ST3GAL3: variants seen among roughly 807,000 people sequenced by gnomAD.
The protein encoded by ST3GAL3 is CMP-N-acetylneuraminate-beta-1,4-galactoside alpha-2,3-sialyltransferase.
A neutral mutation model predicts 50.1 loss-of-function variants in ST3GAL3; 21 were observed. The ratio of observed to expected loss-of-function variants is 0.42; its 90% CI spans 0.30 to 0.60. ST3GAL3 has a LOEUF of 0.60. ST3GAL3 is among the 20% of genes least tolerant of loss of function. The pLI is 0.19. For synonymous variants in ST3GAL3, 183 were observed against 190.0 expected, an observed-to-expected ratio of 0.96 and a Z score of 0.30; for missense variants, 353 against 489.4, an observed-to-expected ratio of 0.72 and a Z score of 2.63.
intron 6 of ST3GAL3, among the ~76,000 whole-genome samples, chr1:43,895,589 C>T (rs999801879): frequency 7.9e-5 from 12 of 152,208 alleles, no homozygotes; most frequent in Admixed American, 6.5e-4. Context: ...AAAATAACTG[C>T]TAAAGGGGTG....
intron 4 of ST3GAL3, among the ~76,000 whole-genome samples, chr1:43,832,706 C>G (rs1007694964): frequency 6.7e-6 from 1 of 148,602 alleles, no homozygotes; most frequent in African/African-American, 2.5e-5. Flanking sequence ...AAGGCTATTT[C>G]AAAAAAAAAA....
intron 11 of ST3GAL3, among the ~76,000 whole-genome samples, chr1:43,926,503 C>T (rs551477584): frequency 2.7e-5 from 4 of 149,446 alleles, no homozygotes; most frequent in Admixed American, 1.3e-4. Context: ...GCAGGAGAAT[C>T]GCTTGAACTC....
At chr1:43,929,956 C>A in intron 11 of ST3GAL3, 176 bp from the exon 12 acceptor site, 1 of 753,974 alleles carries the variant, frequency 1.3e-6, no homozygotes, top group South Asian at 1.4e-5. Flanking sequence ...TGAGCTGTGG[C>A]ACTCCTAGAG....
chr1:43,851,104 G>T, intron 5 of ST3GAL3: 1 of 966,082 alleles, frequency 1.0e-6, no homozygotes, highest in Non-Finnish European at 1.7e-6. Flanking sequence ...TCTGCAGCGG[G>T]GCATAGTCCA....
At chr1:43,862,388 A>G (rs1028076541) in intron 5 of ST3GAL3, among the ~76,000 whole-genome samples, 5 of 152,094 alleles carry the variant, frequency 3.3e-5, no homozygotes, top group Admixed American at 6.5e-5. Flanking sequence ...TTTTACCTCT[A>G]TCTTACCCTC....
chr1:43,926,213 G>A (rs2083889811), intron 11 of ST3GAL3, among the ~76,000 whole-genome samples: 1 of 152,326 alleles, frequency 6.6e-6, no homozygotes, highest in Non-Finnish European at 1.5e-5. Flanking sequence ...TTCCCAGAGA[G>A]AGGACAGAGA....
rs576320463 is a variant in ST3GAL3, at chr1:43,716,141, G to A, written c.-31+8448G>A. Among the ~76,000 whole-genome samples, 76 of 152,248 alleles carry A rather than the reference G, an allele frequency of 5.0e-4. 1 individual carries two copies. Among genetic ancestry groups the A allele is most frequent in the African/African-American group, 1.7e-3 (70 of 41,520 alleles). On this transcript the variant is annotated intron_variant, in intron 1 of 11. Transcript: ENST00000347631. ...TTCTTTAAAAAACAGCTAGTTTCTA[G>A]CCTCTGATAATATTAATGGCAAAAA...
chr1:43,733,195 CT>C (rs1296317615), intron 1 of ST3GAL3, among the ~76,000 whole-genome samples: 1 of 152,094 alleles, frequency 6.6e-6, no homozygotes, highest in Non-Finnish European at 1.5e-5. Context: ...GGGGTCTCAT[CT>C]CATCATCTTG....
chr1:43,824,491 A>G (rs1008544000), intron 4 of ST3GAL3, among the ~76,000 whole-genome samples: 1 of 152,182 alleles, frequency 6.6e-6, no homozygotes, highest in Non-Finnish European at 1.5e-5. Context: ...TAACCTTGAG[A>G]GGACAAGAAA....
At chr1:43,719,235 TAAG>T (rs1265138731) in intron 1 of ST3GAL3, 2 of 152,154 alleles carry the variant, frequency 1.3e-5, no homozygotes, top group African/African-American at 2.4e-5. Flanking sequence ...GATTGGCTAA[TAAG>T]AAGTAAAGAA....
chr1:43,884,309 TA>T (rs1461953136), intron 5 of ST3GAL3, among the ~76,000 whole-genome samples: 1 of 152,246 alleles, frequency 6.6e-6, no homozygotes, highest in African/African-American at 2.4e-5. Context: ...CACCTGCTCT[TA>T]AACTTACCAT....
At chr1:43,929,992 C>T (rs1388991830) in intron 11 of ST3GAL3, 140 bp from the exon 12 acceptor site, 1 of 783,992 alleles carries the variant, frequency 1.3e-6, no homozygotes, top group Non-Finnish European at 2.3e-6. Flanking sequence ...CGTGTAGACA[C>T]AACTGATTAC....
At chr1:43,795,419 C>T (rs1463976223) in intron 3 of ST3GAL3, among the ~76,000 whole-genome samples, 1 of 152,198 alleles carries the variant, frequency 6.6e-6, no homozygotes, top group Non-Finnish European at 1.5e-5. Context: ...CTACCAGCTT[C>T]GACACCTAGT....
intron 1 of ST3GAL3, among the ~76,000 whole-genome samples, chr1:43,719,491 G>A (rs1346281346): frequency 6.6e-6 from 1 of 151,986 alleles, no homozygotes; most frequent in Non-Finnish European, 1.5e-5. Flanking sequence ...TTGAAACCTC[G>A]TCTCTGCTAA....
At chr1:43,921,818 TC>T in intron 11 of ST3GAL3, 1 of 398,658 alleles carries the variant, frequency 2.5e-6, no homozygotes, top group Non-Finnish European at 4.4e-6. Context: ...TGCACTGTAC[TC>T]CCACTTGGCC....
chr1:43,721,280 T>C (rs1236307170), intron 1 of ST3GAL3, among the ~76,000 whole-genome samples: 2 of 141,536 alleles, frequency 1.4e-5, no homozygotes, highest in Non-Finnish European at 3.1e-5. Flanking sequence ...AGAAATGAAG[T>C]ACCTATAATT....
At chr1:43,789,356 T>A (rs568646468) in intron 2 of ST3GAL3, among the ~76,000 whole-genome samples, 1 of 152,292 alleles carries the variant, frequency 6.6e-6, no homozygotes, top group Non-Finnish European at 1.5e-5. Context: ...AATGACTGAA[T>A]GGACATGAGG....
intron 2 of ST3GAL3, among the ~76,000 whole-genome samples, chr1:43,784,643 C>A (rs772788637): frequency 4.6e-4 from 70 of 152,334 alleles, no homozygotes; most frequent in Non-Finnish European, 1.5e-4. Context: ...CATGTCTGAT[C>A]TTTTCATACA....
chr1:43,766,498 G>T lies in ST3GAL3; in HGVS notation c.119-25604G>T, dbSNP rs1444508461. Among the ~76,000 whole-genome samples, 3 of 152,204 alleles carry T rather than the reference G, an allele frequency of 2.0e-5. No individual in the cohort carries two copies. The South Asian group carries it at 6.2e-4, about 32-fold the overall frequency. On this transcript the variant is annotated intron_variant, in intron 2 of 11. Coordinates refer to ENST00000347631, the MANE Select transcript of ST3GAL3 (RefSeq NM_006279.5). ...CTGAAGCAGGGACCTGGCGGTTGGG[G>T]TAGGACATGTGGGGACCTGGGAAAG...
Sources: allele counts gnomAD v4.1 joint callset (sites outside exome capture counted in the v4.1 genomes callset), GRCh38; gene constraint gnomAD v4.1.1; transcripts MANE v1.5; gene names NCBI Gene and HGNC (gene_info 2026-07-23, HGNC 2026-07-21).